ZFP64: variants seen among roughly 807,000 people sequenced by gnomAD.
ZFP64 encodes the protein ZFP64 zinc finger protein.
In ZFP64, 14 loss-of-function variants were observed where a neutral mutation model predicts 51.6. That is an observed-to-expected ratio of 0.27 (90% CI 0.18 to 0.42). The LOEUF is 0.42. ZFP64 is among the 10% of genes least tolerant of loss of function. The pLI is 1.00. For synonymous variants in ZFP64, 375 were observed against 361.4 expected, an observed-to-expected ratio of 1.04 and a Z score of -0.43; for missense variants, 754 against 906.8, an observed-to-expected ratio of 0.83 and a Z score of 2.16.
At chr20:52,165,345 A>G in intron 3 of ZFP64, 1 of 455,982 alleles carries the variant, frequency 2.2e-6, no homozygotes, top group South Asian at 1.6e-5. Context: ...ATAAAGGGGC[A>G]TCACATTGTC....
At chr20:52,090,204 T>C (rs1399154255) in intron 7 of ZFP64, among the ~76,000 whole-genome samples, 1 of 152,140 alleles carries the variant, frequency 6.6e-6, no homozygotes, top group Admixed American at 6.5e-5. Context: ...ATCTGGAAGC[T>C]TCCAGAAAGA....
At position 52,160,321 on chromosome 20, in the gene ZFP64, T is replaced by C; in HGVS notation, c.565A>G (p.Lys189Glu). The C allele has an allele frequency of 6.2e-7, 1 of 1,614,268 alleles. No individual in the cohort carries two copies. The highest frequency in any genetic ancestry group is 8.5e-7 in the Non-Finnish European group (1 of 1,180,044). The change falls in exon 5 of 6, where the codon AAG becomes GAG. Residue 189 changes from lysine (K) to glutamate (E), a missense_variant. Physicochemically the swap from Lys to Glu is moderately conservative, Grantham distance 56. Around this residue, in one of 3 missense-constraint regions of ZFP64, gnomAD observed 231 missense variants for 336.7 expected, o/e 0.69. Coordinates refer to ENST00000216923, the MANE Select transcript of ZFP64 (RefSeq NM_018197.3). This position sits in a 1 kb window ranked among gnomAD's most constrained non-coding sequence, Gnocchi z 4.2. ...VCGKCFSRKD[K>E]LKTHMRCHTG... ...TGGCACCGCATGTGAGTTTTCAGCT[T>C]GTCTTTCCGGCTAAAGCACTTGCCA...
chr20:52,102,027 G>T (rs1187118958), intron 5 of ZFP64, among the ~76,000 whole-genome samples: 1 of 146,470 alleles, frequency 6.8e-6, no homozygotes, highest in Admixed American at 7.0e-5. Context: ...CAGGAGAATC[G>T]CTTGAACCTG....
chr20:52,173,560 C>T (rs2123072112), intron 2 of ZFP64, among the ~76,000 whole-genome samples: 1 of 152,280 alleles, frequency 6.6e-6, no homozygotes, highest in East Asian at 1.9e-4. Context: ...TGCACTTCAG[C>T]CTGGGTGACA....
intron 5 of ZFP64, among the ~76,000 whole-genome samples, chr20:52,140,561 T>G (rs1980204519): frequency 6.6e-6 from 1 of 152,158 alleles, no homozygotes; most frequent in South Asian, 2.1e-4. Flanking sequence ...CCTTCAATTC[T>G]ATGGAGACTG....
At chr20:52,097,005 T>C in intron 7 of ZFP64, 1 of 581,588 alleles carries the variant, frequency 1.7e-6, no homozygotes, top group Non-Finnish European at 3.4e-6. Flanking sequence ...TGAAGGAGCA[T>C]GCCAACAGGC....
chr20:52,113,734 T>C (rs6096759), intron 5 of ZFP64, among the ~76,000 whole-genome samples: 281 of 152,096 alleles, frequency 1.8e-3, no homozygotes, highest in African/African-American at 6.4e-3. Context: ...CCACCATTAG[T>C]TCATCTGATA....
intron 5 of ZFP64, among the ~76,000 whole-genome samples, chr20:52,129,265 CTT>C (rs551674516): frequency 1.4e-5 from 2 of 143,258 alleles, no homozygotes; most frequent in African/African-American, 2.6e-5. Context: ...TTCTTTTTTT[CTT>C]TTTTTTTTTG....
At chr20:52,104,049 G>T (rs764747181) in intron 5 of ZFP64, among the ~76,000 whole-genome samples, 1 of 152,182 alleles carries the variant, frequency 6.6e-6, no homozygotes. Flanking sequence ...GAAAGAGCGG[G>T]GGAGAAGAGG....
In ZFP64 at chr20:52,160,672, A is replaced by G. The variant is rs540592368; in HGVS notation, c.512-298T>C. 6.6e-6 allele frequency among the ~76,000 whole-genome samples: 1 copy of G among 152,332 alleles called. No individual in the cohort carries two copies. Among genetic ancestry groups the G allele is most frequent in the South Asian group, 2.1e-4 (1 of 4,828 alleles). Reference sequence around the variant, plus strand: ...ATTTTAAAGTATAGGTACGTAAAATAGTAACAGTTTTGTTAATTTTCCCTT... The same window carrying G: ...ATTTTAAAGTATAGGTACGTAAAATGGTAACAGTTTTGTTAATTTTCCCTT... On this transcript the variant is annotated intron_variant, in intron 4 of 5. Coordinates refer to ENST00000216923, the MANE Select transcript of ZFP64 (RefSeq NM_018197.3). This position sits in a 1 kb window ranked among gnomAD's most constrained non-coding sequence, Gnocchi z 4.2.
intron 7 of ZFP64, among the ~76,000 whole-genome samples, chr20:52,089,832 C>G (rs2078903824): frequency 6.6e-6 from 1 of 151,606 alleles, no homozygotes; most frequent in Non-Finnish European, 1.5e-5. Context: ...GGTAAAAATG[C>G]ACTATTCAAA....
At chr20:52,137,320 C>G (rs1980028104) in intron 5 of ZFP64, among the ~76,000 whole-genome samples, 1 of 152,096 alleles carries the variant, frequency 6.6e-6, no homozygotes, top group Non-Finnish European at 1.5e-5. Flanking sequence ...CTGGTAACAC[C>G]ATCATTTTGT....
At position 52,153,993 on chromosome 20, in the gene ZFP64, G is replaced by A. The variant is rs1981102315; in HGVS notation, c.764-565C>T. On this transcript the variant is annotated intron_variant, in intron 5 of 5. Transcript: ENST00000216923. This position sits in a 1 kb window ranked among gnomAD's most constrained non-coding sequence, Gnocchi z 5.1. ...TTATTTATCCCATATTGCCAGCTGC[G>A]TTCTTTACTTGTGAAGTTACAAAAT... is the stretch of plus-strand genomic sequence containing the variant. Among the ~76,000 whole-genome samples the A allele has an allele frequency of 6.6e-6, 1 of 151,968 alleles. No homozygotes were observed. The highest frequency in any genetic ancestry group is 1.5e-5 in the Non-Finnish European group (1 of 68,010).
chr20:52,102,007 G>C (rs1483328406), intron 5 of ZFP64, among the ~76,000 whole-genome samples: 1 of 149,192 alleles, frequency 6.7e-6, no homozygotes, highest in Non-Finnish European at 1.5e-5. Flanking sequence ...AGCTACTCAG[G>C]AGACTGAGGC....
rs114282331 is a variant in ZFP64, at chr20:52,178,191, C to T, written c.286+8641G>A. ...AGGGTCTGGATATCTGCATTTTTCA[C>T]GGAAGCTTCAGATGGTTCTTATGCA... On this transcript the variant is annotated intron_variant, in intron 2 of 5. Transcript: ENST00000216923. Among the ~76,000 whole-genome samples the T allele has an allele frequency of 3.3e-3, 504 of 152,202 alleles. 7 individuals carry two copies. The highest frequency in any genetic ancestry group is 0.011 in the African/African-American group (476 of 41,528).
At chr20:52,102,313 A>T (rs1304149888) in intron 5 of ZFP64, among the ~76,000 whole-genome samples, 1 of 152,060 alleles carries the variant, frequency 6.6e-6, no homozygotes, top group Non-Finnish European at 1.5e-5. Flanking sequence ...AGGGGCTCCC[A>T]TTTGGAGTTC....
rs1980856593 is a variant in ZFP64, at chr20:52,152,135, T to A, written c.*11A>T. 2 of 1,513,474 alleles carry A rather than the reference T, an allele frequency of 1.3e-6. No individual in the cohort carries two copies. Among genetic ancestry groups the A allele is most frequent in the Non-Finnish European group, 1.8e-6 (2 of 1,127,648 alleles). 93.8% of individuals were successfully genotyped at this position (1,513,474 alleles called of 1,614,324 possible). ...AATTCCTTTCCCCCACTCCTTTTGT[T>A]TTTTTAAGCACTAATCTGGAATGGA... On this transcript the variant is annotated 3_prime_UTR_variant, in exon 6 of 6. Coordinates refer to ENST00000216923, the MANE Select transcript of ZFP64 (RefSeq NM_018197.3).
exon 9 of ZFP64, chr20:52,084,704 G>A (rs779950515): frequency 6.2e-7 from 1 of 1,614,216 alleles, no homozygotes; most frequent in Non-Finnish European, 8.5e-7. Context: ...GCTTCTTGTG[G>A]CATCTCAGAG....
At chr20:52,148,443 G>A (rs1413137756), downstream of ZFP64, among the ~76,000 whole-genome samples, 1 of 152,240 alleles carries the variant, frequency 6.6e-6, no homozygotes, top group Non-Finnish European at 1.5e-5. Flanking sequence ...GGCATGAGCT[G>A]TAATCCCAGC....
Sources: gnomAD v4.1 joint callset for allele counts (sites outside exome capture counted in the v4.1 genomes callset) on GRCh38, gnomAD v4.1.1 for gene constraint, gnomAD v4.1.1 regional missense constraint, Gnocchi (gnomAD v3.1) non-coding constraint, MANE v1.5 for transcripts, NCBI Gene and HGNC (gene_info 2026-07-23, HGNC 2026-07-21) for gene names.